Variants in SLC31A1 observed in about 807,000 individuals in gnomAD.
The protein encoded by SLC31A1 is high affinity copper uptake protein 1.
Under a neutral mutation model 17.2 loss-of-function variants are expected in SLC31A1, and 5 were observed. The observed-to-expected ratio is 0.29, with a 90% CI of 0.15 to 0.61. SLC31A1 has a LOEUF of 0.61. SLC31A1 is among the 20% of genes least tolerant of loss of function. SLC31A1 has a pLI of 0.86. For missense variants in SLC31A1, 161 were observed against 241.4 expected, an observed-to-expected ratio of 0.67 and a Z score of 2.21; for synonymous variants, 76 against 78.8, an observed-to-expected ratio of 0.96 and a Z score of 0.19.
At chr9:113,239,737 C>G (rs562530422) in intron 1 of SLC31A1, among the ~76,000 whole-genome samples, 1 of 152,354 alleles carries the variant, frequency 6.6e-6, no homozygotes, top group African/African-American at 2.4e-5. Flanking sequence ...GCATGCGCCA[C>G]CACGCCCAGC....
intron 1 of SLC31A1, among the ~76,000 whole-genome samples, chr9:113,231,075 G>A (rs1202829953): frequency 6.6e-6 from 1 of 152,070 alleles, no homozygotes; most frequent in African/African-American, 2.4e-5. Context: ...CCCCTCTCAA[G>A]TGCCATATCC....
At position 113,251,322 on chromosome 9, in the gene SLC31A1, T is replaced by C. The variant is rs994157832; in HGVS notation, c.-35-4792T>C. ...CTGTAATCCCAGCTACTAGGGAGGC[T>C]GAGGCTGGAGAATCGCTTGAACCTG... On this transcript the variant is annotated intron_variant, in intron 1 of 4. Transcript: ENST00000374212. Among the ~76,000 whole-genome samples, 23 of 152,040 alleles carry C rather than the reference T, an allele frequency of 1.5e-4. 1 individual carries two copies. Among genetic ancestry groups the C allele is most frequent in the Admixed American group, 1.3e-3 (20 of 15,268 alleles).
Position 113,260,534 on chromosome 9 carries a change from C to G in SLC31A1, c.*61C>G, listed in dbSNP as rs547031001. ...TGGGAAGTTGTTGAAGACTTGAAGA[C>G]GTGATTCCTGCTCCAATCATCCCTT... On this transcript the variant is annotated 3_prime_UTR_variant, in exon 5 of 5. Transcript: ENST00000374212. 4.3e-5 allele frequency: 58 copies of G among 1,352,306 alleles called. No homozygotes were observed. In the Admixed American group the frequency reaches 9.3e-4, roughly 22 times the overall value. 83.8% of individuals were successfully genotyped at this position (1,352,306 alleles called of 1,614,324 possible).
At chr9:113,241,920 G>A (rs1263874210) in intron 1 of SLC31A1, among the ~76,000 whole-genome samples, 1 of 152,182 alleles carries the variant, frequency 6.6e-6, no homozygotes. Flanking sequence ...GAATTATTAG[G>A]AAAGGCACAA....
intron 1 of SLC31A1, among the ~76,000 whole-genome samples, chr9:113,224,707 C>T (rs1381865783): frequency 2.0e-5 from 3 of 152,222 alleles, no homozygotes; most frequent in Non-Finnish European, 4.4e-5. Context: ...GGATTAGAGG[C>T]GTGGGCCAAC....
chr9:113,226,784 T>C (rs2118981389), intron 1 of SLC31A1, among the ~76,000 whole-genome samples: 1 of 152,292 alleles, frequency 6.6e-6, no homozygotes, highest in South Asian at 2.1e-4. Flanking sequence ...CATATTTCCC[T>C]AGATAGAAGA....
intron 1 of SLC31A1, among the ~76,000 whole-genome samples, chr9:113,232,141 C>T (rs1270814268): frequency 6.6e-6 from 1 of 152,126 alleles, no homozygotes; most frequent in Admixed American, 6.6e-5. Flanking sequence ...ACAGTTCCTT[C>T]GTTATGTTTT....
At chr9:113,237,235 C>A (rs1371635873) in intron 1 of SLC31A1, among the ~76,000 whole-genome samples, 2 of 152,092 alleles carry the variant, frequency 1.3e-5, no homozygotes, top group Non-Finnish European at 2.9e-5. Context: ...ATACTGTATG[C>A]CAGAAGCATG....
In SLC31A1 at chr9:113,258,660, T is replaced by C. The variant is rs763152333; in HGVS notation, c.203-34T>C. The C allele has an allele frequency of 1.4e-5, 22 of 1,612,650 alleles. No homozygotes were observed. In the South Asian group the frequency reaches 1.9e-4, roughly 14 times the overall value. On this transcript the variant is annotated intron_variant, in intron 3 of 4. Coordinates refer to ENST00000374212, the MANE Select transcript of SLC31A1 (RefSeq NM_001859.4). This position sits in a 1 kb window ranked among gnomAD's most constrained non-coding sequence, Gnocchi z 4.8. ...ATTGGCTAATGATTTTGCACATGTT[T>C]GACAGTACCTCCATATTTTCCTTCC...
At chr9:113,249,847 C>A (rs1409332126) in intron 1 of SLC31A1, among the ~76,000 whole-genome samples, 1 of 151,660 alleles carries the variant, frequency 6.6e-6, no homozygotes, top group African/African-American at 2.4e-5. Flanking sequence ...AACAGACAAC[C>A]CCATCAAAAA....
At chr9:113,230,847 C>G (rs561948783) in intron 1 of SLC31A1, among the ~76,000 whole-genome samples, 54 of 152,188 alleles carry the variant, frequency 3.5e-4, no homozygotes, top group Non-Finnish European at 6.8e-4. Flanking sequence ...TGACTATAAC[C>G]TACTAACTTT....
chr9:113,253,958 C>CTTTTTTTT lies in SLC31A1; in HGVS notation c.-35-2144_-35-2137dup, dbSNP rs397967653. Among the ~76,000 whole-genome samples, 100 of 110,394 alleles carry CTTTTTTTT rather than the reference C, an allele frequency of 9.1e-4. 5 individuals carry two copies. The highest frequency in any genetic ancestry group is 2.1e-3 in the African/African-American group (59 of 28,288). 72.4% of individuals were successfully genotyped at this position (110,394 alleles called of 152,430 possible). The stretch of plus-strand genomic sequence containing the variant: ...TCTATATAAATTTCCTACCCACAGT[C>CTTTTTTTT]TTTTTTTTTTTTTTTTTTTGAGATA... On this transcript the variant is annotated intron_variant, in intron 1 of 4. Transcript: ENST00000374212.
At chr9:113,243,393 A>AT (rs764355372) in intron 1 of SLC31A1, among the ~76,000 whole-genome samples, 2 of 152,172 alleles carry the variant, frequency 1.3e-5, no homozygotes, top group Non-Finnish European at 2.9e-5. Context: ...TGGCTGTATA[A>AT]TTCATCACGT....
intron 1 of SLC31A1, among the ~76,000 whole-genome samples, chr9:113,229,693 G>GTTAAA (rs1831381697): frequency 6.6e-6 from 1 of 152,152 alleles, no homozygotes; most frequent in Non-Finnish European, 1.5e-5. Flanking sequence ...TAAAGAATGT[G>GTTAAA]GGCAGACTGA....
At chr9:113,255,003 A>C (rs1831705187) in intron 1 of SLC31A1, among the ~76,000 whole-genome samples, 1 of 152,216 alleles carries the variant, frequency 6.6e-6, no homozygotes, top group Non-Finnish European at 1.5e-5. Context: ...CTGAATTTGC[A>C]GTTGTCTAGA....
At chr9:113,253,363 A>G (rs1050663793) in intron 1 of SLC31A1, among the ~76,000 whole-genome samples, 4 of 152,134 alleles carry the variant, frequency 2.6e-5, no homozygotes, top group Non-Finnish European at 5.9e-5. Context: ...ATCTGAAAAC[A>G]GCTGCCCACC....
intron 1 of SLC31A1, among the ~76,000 whole-genome samples, chr9:113,253,645 C>G (rs989573763): frequency 6.6e-6 from 1 of 150,432 alleles, no homozygotes; most frequent in Non-Finnish European, 1.5e-5. Flanking sequence ...ACCTCCGCCT[C>G]CCAGGTTTGA....
At chr9:113,233,120 T>G (rs1564205837) in intron 1 of SLC31A1, among the ~76,000 whole-genome samples, 1 of 152,236 alleles carries the variant, frequency 6.6e-6, no homozygotes, top group Non-Finnish European at 1.5e-5. Context: ...CTCAGTGAAC[T>G]CCTGCTAATA....
chr9:113,252,280 G>A (rs1831662936), intron 1 of SLC31A1, among the ~76,000 whole-genome samples: 2 of 152,158 alleles, frequency 1.3e-5, no homozygotes, highest in African/African-American at 4.8e-5. Flanking sequence ...ACAACTTTTA[G>A]ATAGTTTGTG....
Sources: allele counts gnomAD v4.1 joint callset (sites outside exome capture counted in the v4.1 genomes callset), GRCh38; gene constraint gnomAD v4.1.1; non-coding constraint Gnocchi (gnomAD v3.1); transcripts MANE v1.5; gene names NCBI Gene and HGNC (gene_info 2026-07-23, HGNC 2026-07-21).